The following ATXN2 variants were observed in gnomAD, a reference collection of about 807,000 sequenced individuals.
ATXN2 encodes ataxin 2, also known as ataxin-2.
In ATXN2, 37 loss-of-function variants were observed where a neutral mutation model predicts 138.6. The ratio of observed to expected loss-of-function variants is 0.27; its 90% confidence interval spans 0.21 to 0.35. ATXN2 has a LOEUF of 0.35. Ranked by LOEUF, ATXN2 falls within the 10% of genes least tolerant of loss-of-function variation. The pLI is 1.00. For synonymous variants in ATXN2, 549 were observed against 543.7 expected (o/e 1.01, Z -0.13); for missense variants, 1,216 against 1,480.3 (o/e 0.82, Z 2.93).
chr12:111,507,308 C>T (rs1389990920), intron 14 of ATXN2, among the ~76,000 whole-genome samples: 8 of 151,828 alleles, frequency 5.3e-5, no homozygotes, highest in Non-Finnish European at 1.0e-4. Flanking sequence ...CGCCTCTGCC[C>T]GGCCGCGACC....
chr12:111,491,606 G>A (rs1016883819), intron 14 of ATXN2, among the ~76,000 whole-genome samples: 37 of 152,320 alleles, frequency 2.4e-4, no homozygotes, highest in African/African-American at 8.7e-4. Context: ...CTCAATTCTA[G>A]GCCATAGCTC....
intron 23 of ATXN2, chr12:111,455,656 T>A: frequency 3.0e-6 from 1 of 333,652 alleles, no homozygotes; most frequent in Non-Finnish European, 5.8e-6. Flanking sequence ...AAGGCCATCA[T>A]CCCTGCCTGG....
chr12:111,597,842 G>C, intron 1 of ATXN2: 2 of 1,282,728 alleles, frequency 1.6e-6, no homozygotes, highest in Non-Finnish European at 2.0e-6. Flanking sequence ...TAAGTGCGCA[G>C]GGTGCCCGCC....
intron 5 of ATXN2, among the ~76,000 whole-genome samples, chr12:111,537,992 C>T (rs1881286658): frequency 6.6e-6 from 1 of 151,628 alleles, no homozygotes; most frequent in Non-Finnish European, 1.5e-5. Context: ...CCAGCTTAAT[C>T]AGGAGGCTAA....
At chr12:111,494,664 T>C (rs949324322) in intron 14 of ATXN2, among the ~76,000 whole-genome samples, 1 of 152,014 alleles carries the variant, frequency 6.6e-6, no homozygotes, top group Non-Finnish European at 1.5e-5. Flanking sequence ...GACCTCTTGA[T>C]CCACCCACCT....
intron 20 of ATXN2, among the ~76,000 whole-genome samples, chr12:111,466,392 T>A (rs533064937): frequency 6.6e-6 from 1 of 151,036 alleles, no homozygotes; most frequent in Non-Finnish European, 1.5e-5. Context: ...TCCTAGCTAC[T>A]CGGGAGGCTG....
chr12:111,539,869 A>T (rs1242892487), intron 5 of ATXN2, among the ~76,000 whole-genome samples: 1 of 150,618 alleles, frequency 6.6e-6, no homozygotes, highest in Admixed American at 6.6e-5. Context: ...AGGAATTGAA[A>T]TGCCAATACT....
chr12:111,501,527 T>A (rs549487369), intron 14 of ATXN2, among the ~76,000 whole-genome samples: 1 of 152,280 alleles, frequency 6.6e-6, no homozygotes, highest in East Asian at 1.9e-4. Flanking sequence ...CCAATTTCAA[T>A]GGTTTCATTA....
chr12:111,509,636 T>G lies in ATXN2; in HGVS notation c.1865-17A>C, dbSNP rs1441222757. 7.1e-7 allele frequency: 1 copy of G among 1,406,006 alleles called. No homozygotes were observed. Among genetic ancestry groups the G allele is most frequent in the Admixed American group, 2.0e-5 (1 of 50,114 alleles). The allele number at this position is 1,406,006 out of a possible 1,614,324, so 87.1% of individuals were successfully genotyped here. A position where few individuals can be genotyped will look rare whatever the true frequency, so the allele number is the denominator to read the frequency against. On this transcript the variant is annotated splice_polypyrimidine_tract_variant and intron_variant, in intron 13 of 24. Coordinates refer to ENST00000673436, the MANE Select transcript of ATXN2 (RefSeq NM_001372574.1). ...GTGATATACCTGTAAAATTAAGAAC[T>G]GTTAAGACACAGGTTTATTTTTAAA...
chr12:111,557,765 T>C (rs746280628), intron 1 of ATXN2, among the ~76,000 whole-genome samples: 2 of 152,222 alleles, frequency 1.3e-5, no homozygotes. Context: ...TCTATGCTTT[T>C]TCAAACATCA....
At chr12:111,568,419 T>TCC (rs1448943293) in intron 1 of ATXN2, among the ~76,000 whole-genome samples, 1 of 152,196 alleles carries the variant, frequency 6.6e-6, no homozygotes, top group Non-Finnish European at 1.5e-5. Context: ...CCTCTATATG[T>TCC]CCTTCAGTAG....
chr12:111,524,947 C>T (rs950814954), intron 6 of ATXN2, among the ~76,000 whole-genome samples: 1 of 152,164 alleles, frequency 6.6e-6, no homozygotes, highest in African/African-American at 2.4e-5. Flanking sequence ...ATTTTAATCA[C>T]AAAGAAGTAA....
At chr12:111,564,078 AAAG>A (rs1882850018) in intron 1 of ATXN2, among the ~76,000 whole-genome samples, 2 of 152,200 alleles carry the variant, frequency 1.3e-5, no homozygotes, top group Non-Finnish European at 2.9e-5. Flanking sequence ...GTGAAAATTA[AAAG>A]AAGGTACCAG....
At chr12:111,504,194 T>TA (rs940936954) in intron 14 of ATXN2, among the ~76,000 whole-genome samples, 5 of 152,178 alleles carry the variant, frequency 3.3e-5, no homozygotes, top group African/African-American at 7.2e-5. Context: ...GGATAAGACA[T>TA]AGAGATTCAG....
chr12:111,532,540 A>C (rs1018321232), intron 5 of ATXN2, among the ~76,000 whole-genome samples: 2 of 152,198 alleles, frequency 1.3e-5, no homozygotes, highest in African/African-American at 4.8e-5. Context: ...ATATGAAATT[A>C]ACTGAGTTCT....
chr12:111,502,379 C>G, intron 14 of ATXN2, among the ~76,000 whole-genome samples: 1 of 152,168 alleles, frequency 6.6e-6, no homozygotes, highest in East Asian at 1.9e-4. Context: ...TAGCACTCTG[C>G]TGTATTTCCT....
chr12:111,510,073 G>T, intron 12 of ATXN2, 75 bp from the exon 13 acceptor site: 2 of 1,100,480 alleles, frequency 1.8e-6, no homozygotes, highest in Non-Finnish European at 2.6e-6. Context: ...CAATAATTTT[G>T]ATTTCCTATG....
chr12:111,581,404 C>A, intron 1 of ATXN2: 1 of 713,804 alleles, frequency 1.4e-6, no homozygotes, highest in Non-Finnish European at 2.6e-6. Context: ...CAAACCTCTT[C>A]ACTCCTGCCA....
At position 111,461,123 on chromosome 12, in the gene ATXN2, G is replaced by C. The variant is rs181525273; in HGVS notation, c.2896+3539C>G. On this transcript the variant is annotated intron_variant, in intron 21 of 24. Transcript: ENST00000673436. ...TTTGTTTTTTTGTTCTAGCTCAAAAGATCTGAAAGAAGTACCTTAATCAGG... is the reference window on the plus strand; with the variant it reads ...TTTGTTTTTTTGTTCTAGCTCAAAACATCTGAAAGAAGTACCTTAATCAGG... 2.6e-5 allele frequency: 4 copies of C among 152,262 alleles called. No individual in the cohort carries two copies. In the East Asian group the frequency reaches 5.8e-4, roughly 22 times the overall value. 9.4% of individuals were successfully genotyped at this position (152,262 alleles called of 1,614,324 possible).
Sources: allele counts gnomAD v4.1 joint callset (sites outside exome capture counted in the v4.1 genomes callset), GRCh38; gene constraint gnomAD v4.1.1; transcripts MANE v1.5; gene names NCBI Gene and HGNC (gene_info 2026-07-23, HGNC 2026-07-21).